Variants in TMEM63C observed in about 807,000 individuals in gnomAD.
The protein encoded by TMEM63C is transmembrane protein 63C, also known as osmosensitive cation channel TMEM63C.
A neutral mutation model predicts 99.2 loss-of-function variants in TMEM63C; 32 were observed. The ratio of observed to expected loss-of-function variants is 0.32; its 90% confidence interval spans 0.24 to 0.43. The LOEUF is 0.43. TMEM63C is among the 20% of genes least tolerant of loss of function. The pLI is 1.00. For synonymous variants in TMEM63C, 376 were observed against 397.9 expected, an observed-to-expected ratio of 0.94 and a Z score of 0.66; for missense variants, 826 against 1,053.0, an observed-to-expected ratio of 0.78 and a Z score of 2.98.
chr14:77,212,450 G>A (rs187538290), intron 1 of TMEM63C: 1 of 152,372 alleles, frequency 6.6e-6, no homozygotes, highest in East Asian at 1.9e-4. Context: ...CGCCCTGCTG[G>A]GCTGGTGGCC....
At chr14:77,239,200 G>A (rs888713036) in intron 10 of TMEM63C, among the ~76,000 whole-genome samples, 1 of 152,228 alleles carries the variant, frequency 6.6e-6, no homozygotes, top group Non-Finnish European at 1.5e-5. Context: ...CTTTTGCCCT[G>A]TTCTGAGTTG....
chr14:77,228,292 C>T (rs756749834), intron 6 of TMEM63C, among the ~76,000 whole-genome samples: 5 of 152,136 alleles, frequency 3.3e-5, no homozygotes, highest in African/African-American at 4.8e-5. Context: ...CAGTCCTGTC[C>T]AGCCCTCTGC....
At chr14:77,239,388 C>T in intron 10 of TMEM63C, 24 bp from the exon 11 acceptor site, 1 of 1,612,926 alleles carries the variant, frequency 6.2e-7, no homozygotes, top group Non-Finnish European at 8.5e-7. Flanking sequence ...CAGGCCGACT[C>T]AGCACCCATG....
chr14:77,252,188 T>G (rs1049536569), intron 22 of TMEM63C, among the ~76,000 whole-genome samples: 1 of 152,078 alleles, frequency 6.6e-6, no homozygotes, highest in Non-Finnish European at 1.5e-5. Context: ...GCTGCTGCGA[T>G]GTGAGTCCAG....
chr14:77,222,875 C>T (rs900725581), intron 5 of TMEM63C, among the ~76,000 whole-genome samples: 3 of 152,216 alleles, frequency 2.0e-5, no homozygotes, highest in African/African-American at 4.8e-5. Context: ...GTAACGATCC[C>T]TCATCTGCAA....
Position 77,259,382 on chromosome 14 carries a change from G to C in TMEM63C, c.*2656G>C, listed in dbSNP as rs1889542676. On this transcript the variant is annotated 3_prime_UTR_variant, in exon 24 of 24. Coordinates refer to ENST00000298351, the MANE Select transcript of TMEM63C (RefSeq NM_020431.4). ...GCGTCCTCTGGGGCCCCCGGTCGGG[G>C]GGGAGGGGGTGTGGGCTAACCTTGG... 1 of 152,748 alleles carries C rather than the reference G, an allele frequency of 6.5e-6. No individual in the cohort carries two copies. The highest frequency in any genetic ancestry group is 2.4e-5 in the African/African-American group (1 of 41,466). 9.5% of individuals were successfully genotyped at this position (152,748 alleles called of 1,614,324 possible).
intron 8 of TMEM63C, among the ~76,000 whole-genome samples, chr14:77,233,859 GC>G (rs1382118550): frequency 1.3e-5 from 2 of 152,160 alleles, no homozygotes; most frequent in Non-Finnish European, 2.9e-5. Context: ...GTTCCAGTCA[GC>G]CGTCATATAC....
chr14:77,241,502 G>A (rs970931142), intron 13 of TMEM63C, among the ~76,000 whole-genome samples: 1 of 152,174 alleles, frequency 6.6e-6, no homozygotes, highest in East Asian at 1.9e-4. Context: ...ACTGTGGGGG[G>A]CAGGGGGGCT....
At chr14:77,240,843 T>C (rs1045847311) in intron 13 of TMEM63C, among the ~76,000 whole-genome samples, 1 of 151,988 alleles carries the variant, frequency 6.6e-6, no homozygotes, top group African/African-American at 2.4e-5. Context: ...TCCCTGTCCT[T>C]GCTTTAGCAC....
At position 77,219,917 on chromosome 14, in the gene TMEM63C, C is replaced by T. The variant is rs570547792; in HGVS notation, c.231-89C>T. 4 of 1,280,600 alleles carry T rather than the reference C, an allele frequency of 3.1e-6. No individual in the cohort carries two copies. The East Asian group carries it at 7.6e-5, about 24-fold the overall frequency. 79.3% of individuals were successfully genotyped at this position (1,280,600 alleles called of 1,614,324 possible). On this transcript the variant is annotated intron_variant, in intron 4 of 23. Coordinates refer to ENST00000298351, the MANE Select transcript of TMEM63C (RefSeq NM_020431.4). ...TGCCCGTGGCAGAGCAGAGGGCAGCCCTCAGCCAGGGAGTGGGGAGGGAGC... is the reference window on the plus strand; with the variant it reads ...TGCCCGTGGCAGAGCAGAGGGCAGCTCTCAGCCAGGGAGTGGGGAGGGAGC...
chr14:77,249,898 G>A (rs1034779062), intron 21 of TMEM63C, among the ~76,000 whole-genome samples: 9 of 152,156 alleles, frequency 5.9e-5, no homozygotes, highest in South Asian at 2.1e-4. Context: ...ACAGTGGCGC[G>A]ATCACGGCTC....
At chr14:77,254,915 A>G (rs1269473301) in intron 23 of TMEM63C, among the ~76,000 whole-genome samples, 1 of 152,244 alleles carries the variant, frequency 6.6e-6, no homozygotes, top group Non-Finnish European at 1.5e-5. Flanking sequence ...TATACTATGT[A>G]TCTCTTCCAG....
intron 1 of TMEM63C, among the ~76,000 whole-genome samples, chr14:77,189,928 G>A (rs928863944): frequency 6.6e-6 from 1 of 152,160 alleles, no homozygotes; most frequent in African/African-American, 2.4e-5. Context: ...CCCCTTCTCT[G>A]ATTTCAGCTG....
intron 1 of TMEM63C, among the ~76,000 whole-genome samples, chr14:77,209,679 C>A (rs761557202): frequency 1.3e-5 from 2 of 152,030 alleles, no homozygotes; most frequent in African/African-American, 2.4e-5. Flanking sequence ...CAGAGGAGTA[C>A]AATATAAGCT....
intron 5 of TMEM63C, among the ~76,000 whole-genome samples, chr14:77,220,467 T>C (rs956741622): frequency 1.3e-5 from 2 of 152,078 alleles, no homozygotes; most frequent in African/African-American, 4.8e-5. Flanking sequence ...AAGATTCTAG[T>C]CATGTGGTAG....
intron 22 of TMEM63C, among the ~76,000 whole-genome samples, chr14:77,252,164 C>T (rs1889378238): frequency 6.6e-6 from 1 of 152,130 alleles, no homozygotes; most frequent in African/African-American, 2.4e-5. Flanking sequence ...TCTGACACCT[C>T]CTCCAAACTG....
intron 1 of TMEM63C, among the ~76,000 whole-genome samples, chr14:77,200,651 A>G (rs77090507): frequency 0.097 from 14,693 of 152,248 alleles, 1,059 homozygotes; most frequent in African/African-American, 0.21. Context: ...GCTGCCCCTG[A>G]GGGGTGGTGC....
chr14:77,221,834 G>A (rs944461509), intron 5 of TMEM63C, among the ~76,000 whole-genome samples: 5 of 151,164 alleles, frequency 3.3e-5, no homozygotes, highest in Non-Finnish European at 7.4e-5. Context: ...TCTCTGAAAC[G>A]TCTGACCCTG....
chr14:77,186,799 G>GTGTGTGTGTGTGTA (rs1265962466), intron 1 of TMEM63C, among the ~76,000 whole-genome samples: 1 of 105,370 alleles, frequency 9.5e-6, no homozygotes. Flanking sequence ...GTGTGTGTGT[G>GTGTGTGTGTGTGTA]TCTGTGTGTG....
Sources: gnomAD v4.1 joint callset for allele counts (sites outside exome capture counted in the v4.1 genomes callset) on GRCh38, gnomAD v4.1.1 for gene constraint, MANE v1.5 for transcripts, NCBI Gene and HGNC (gene_info 2026-07-23, HGNC 2026-07-21) for gene names.